Variants in PRKACB observed in about 807,000 individuals in gnomAD.
The protein encoded by PRKACB is protein kinase cAMP-activated catalytic subunit beta.
A neutral mutation model predicts 51.4 loss-of-function variants in PRKACB; 16 were observed. The ratio of observed to expected loss-of-function variants is 0.31; its 90% CI spans 0.21 to 0.47. PRKACB has a LOEUF of 0.47. Ranked by LOEUF, PRKACB falls within the 20% of genes least tolerant of loss-of-function variation. The pLI, the probability that PRKACB is intolerant of heterozygous loss-of-function variation, is 1.00. For synonymous variants in PRKACB, 147 were observed against 154.4 expected, an observed-to-expected ratio of 0.95 and a Z score of 0.35; for missense variants, 309 against 464.5, an observed-to-expected ratio of 0.67 and a Z score of 3.08.
chr1:84,102,889 A>G (rs1649460054), intron 1 of PRKACB, among the ~76,000 whole-genome samples: 1 of 152,184 alleles, frequency 6.6e-6, no homozygotes, highest in Admixed American at 6.5e-5. Flanking sequence ...GGGAGTGTTT[A>G]TACCTCTTGT....
At chr1:84,102,861 T>C (rs1306931193) in intron 1 of PRKACB, among the ~76,000 whole-genome samples, 9 of 152,320 alleles carry the variant, frequency 5.9e-5, no homozygotes, top group East Asian at 1.9e-4. Context: ...AACTGGACTT[T>C]AGAATTGCTA....
chr1:84,095,880 A>G (rs941291179), intron 1 of PRKACB, among the ~76,000 whole-genome samples: 1 of 151,952 alleles, frequency 6.6e-6, no homozygotes, highest in Non-Finnish European at 1.5e-5. Context: ...ATTTTTGTAC[A>G]AATTAATCAT....
intron 1 of PRKACB, chr1:84,157,298 A>G (rs561440701): frequency 6.6e-6 from 1 of 152,286 alleles, no homozygotes; most frequent in South Asian, 2.1e-4. Context: ...TTACATTTGC[A>G]TAATTAAATT....
intron 1 of PRKACB, among the ~76,000 whole-genome samples, chr1:84,128,789 A>G (rs1008288571): frequency 1.2e-4 from 19 of 152,258 alleles, no homozygotes; most frequent in African/African-American, 4.6e-4. Flanking sequence ...TGTCAGCATT[A>G]TGTGTGTTCC....
chr1:84,082,929 C>G (rs1049938188), intron 1 of PRKACB, among the ~76,000 whole-genome samples: 1 of 152,162 alleles, frequency 6.6e-6, no homozygotes, highest in Non-Finnish European at 1.5e-5. Context: ...TATTTTTTCT[C>G]ATTTAAGAAT....
chr1:84,152,570 A>G (rs998398437), intron 1 of PRKACB, among the ~76,000 whole-genome samples: 1 of 152,184 alleles, frequency 6.6e-6, no homozygotes, highest in South Asian at 2.1e-4. Flanking sequence ...CAGCTTCTCC[A>G]TTAGCACTTG....
Position 84,195,683 on chromosome 1 carries a change from C to T in PRKACB, c.561-933C>T, listed in dbSNP as rs546224354. Among the ~76,000 whole-genome samples the T allele has an allele frequency of 3.3e-3, 504 of 152,066 alleles. 6 individuals carry two copies. Among genetic ancestry groups the T allele is most frequent in the African/African-American group, 0.012 (479 of 41,492 alleles). ...ATCCCAGCACTTTGGGAGGCTGAGG[C>T]GGGTGGATCATTTGAGGTCAGGTAT... is the stretch of plus-strand genomic sequence containing the variant. On this transcript the variant is annotated intron_variant, in intron 5 of 9. Transcript: ENST00000370685.
At chr1:84,131,947 G>A (rs1652261625) in intron 1 of PRKACB, among the ~76,000 whole-genome samples, 1 of 152,182 alleles carries the variant, frequency 6.6e-6, no homozygotes, top group Admixed American at 6.5e-5. Context: ...GAGAGAGGGA[G>A]GGTAATCATT....
chr1:84,153,669 G>A (rs1345538392), intron 1 of PRKACB, among the ~76,000 whole-genome samples: 1 of 152,076 alleles, frequency 6.6e-6, no homozygotes, highest in Non-Finnish European at 1.5e-5. Context: ...TGCAATATTT[G>A]TGTTTCTGTG....
chr1:84,175,705 C>G (rs1013491905), intron 1 of PRKACB: 27 of 1,154,618 alleles, frequency 2.3e-5, no homozygotes, highest in Non-Finnish European at 3.0e-5. Flanking sequence ...TTTTTATGAA[C>G]TTGTGAAAAT....
At chr1:84,081,582 A>C (rs1647534356) in intron 1 of PRKACB, among the ~76,000 whole-genome samples, 1 of 151,890 alleles carries the variant, frequency 6.6e-6, no homozygotes, top group Non-Finnish European at 1.5e-5. Flanking sequence ...GAAATATGAT[A>C]AAATTCTCAG....
chr1:84,165,627 T>C (rs919065797), intron 1 of PRKACB, among the ~76,000 whole-genome samples: 1 of 151,820 alleles, frequency 6.6e-6, no homozygotes, highest in Non-Finnish European at 1.5e-5. Flanking sequence ...TTGTGACAAC[T>C]AGTCTTTTTT....
upstream of PRKACB, chr1:84,144,250 C>A: frequency 6.6e-7 from 1 of 1,504,678 alleles, no homozygotes; most frequent in Non-Finnish European, 8.8e-7. Context: ...GTTTGAATAC[C>A]CTGCAAACAG....
At chr1:84,234,583 C>G (rs900416641) in intron 9 of PRKACB, among the ~76,000 whole-genome samples, 1 of 152,230 alleles carries the variant, frequency 6.6e-6, no homozygotes, top group African/African-American at 2.4e-5. Context: ...GGGCGTAGGT[C>G]CCTCCAAGCC....
intron 4 of PRKACB, 112 bp from the exon 5 acceptor site, chr1:84,184,988 A>G: frequency 2.0e-6 from 1 of 512,320 alleles, no homozygotes; most frequent in Middle Eastern, 5.6e-4. Context: ...TTATTTCTCA[A>G]GGTTATTAAT....
chr1:84,115,603 C>T (rs1445738637), intron 1 of PRKACB, among the ~76,000 whole-genome samples: 1 of 151,720 alleles, frequency 6.6e-6, no homozygotes, highest in Non-Finnish European at 1.5e-5. Flanking sequence ...TTTGCCTAGG[C>T]CAGGTGCGGT....
Position 84,236,593 on chromosome 1 carries a change from A to G in PRKACB, c.*1288A>G, listed in dbSNP as rs1417816781. ...AACCTCTGTTCTCTCAGTAAACAGA[A>G]TGTCTGATCGATCATGCAGATACAA... On this transcript the variant is annotated 3_prime_UTR_variant, in exon 10 of 10. Transcript: ENST00000370685. The G allele has an allele frequency of 1.3e-5, 2 of 152,644 alleles. No homozygotes were observed. Among genetic ancestry groups the G allele is most frequent in the African/African-American group, 4.8e-5 (2 of 41,452 alleles). 9.5% of individuals were successfully genotyped at this position (152,644 alleles called of 1,614,324 possible).
Position 84,185,744 on chromosome 1 carries a change from A to C in PRKACB, c.560+562A>C, listed in dbSNP as rs189211347. On this transcript the variant is annotated intron_variant, in intron 5 of 9. Coordinates refer to ENST00000370685, the MANE Select transcript of PRKACB (RefSeq NM_182948.4). ...TCAGAGTTATTAAAATAGGTTATAG[A>C]ATCTGATGGTTTTACCTGTACTTAA... is the stretch of plus-strand genomic sequence containing the variant. Among the ~76,000 whole-genome samples the C allele has an allele frequency of 6.6e-5, 10 of 152,226 alleles. No homozygotes were observed. The East Asian group carries it at 1.9e-3, about 29-fold the overall frequency.
intron 5 of PRKACB, among the ~76,000 whole-genome samples, chr1:84,191,561 G>A (rs897164898): frequency 6.6e-6 from 1 of 152,124 alleles, no homozygotes; most frequent in Admixed American, 6.6e-5. Context: ...ATTATCCTAA[G>A]TGAATTAACA....
Sources: allele counts gnomAD v4.1 joint callset (sites outside exome capture counted in the v4.1 genomes callset), GRCh38; gene constraint gnomAD v4.1.1; transcripts MANE v1.5; gene names NCBI Gene and HGNC (gene_info 2026-07-23, HGNC 2026-07-21).